Variants in TUSC3 observed in about 807,000 individuals in gnomAD.
The protein encoded by TUSC3 is tumor suppressor candidate 3, also known as dolichyl-diphosphooligosaccharide--protein glycosyltransferase subunit TUSC3.
TUSC3 carries 45 observed loss-of-function variants against 44.8 expected under a neutral mutation model. The ratio of observed to expected loss-of-function variants is 1.00; its 90% CI spans 0.79 to 1.29. The LOEUF (loss-of-function observed/expected upper bound fraction) is 1.29. TUSC3 is among the 50% of genes most tolerant of loss of function. The pLI is 0.00. For synonymous variants in TUSC3, 212 were observed against 152.9 expected, an observed-to-expected ratio of 1.39 and a Z score of -2.85; for missense variants, 519 against 437.9, an observed-to-expected ratio of 1.19 and a Z score of -1.65.
At chr8:15,528,525 T>A (rs1801406717) in intron 2 of TUSC3, among the ~76,000 whole-genome samples, 1 of 152,218 alleles carries the variant, frequency 6.6e-6, no homozygotes. Context: ...TGAAGTATTC[T>A]GCAGCAAACT....
In TUSC3 at chr8:15,710,933, C is replaced by T. The variant is rs572742358; in HGVS notation, c.799-19733C>T. Among the ~76,000 whole-genome samples, 386 of 150,388 alleles carry T rather than the reference C, an allele frequency of 2.6e-3. 1 individual carries two copies. Among genetic ancestry groups the T allele is most frequent in the African/African-American group, 8.9e-3 (366 of 41,204 alleles). ...ACCAAATCAAGAAGTGGAATTTTGC[C>T]TGCATTCCAGAATTTCACTTAACTT... On this transcript the variant is annotated intron_variant, in intron 6 of 10. Coordinates refer to ENST00000503731, the MANE Select transcript of TUSC3 (RefSeq NM_006765.4).
intron 1 of TUSC3, among the ~76,000 whole-genome samples, chr8:15,474,699 C>T (rs1563260714): frequency 1.3e-5 from 2 of 152,004 alleles, no homozygotes; most frequent in Non-Finnish European, 2.9e-5. Context: ...TTTGTTTTCT[C>T]TTAAAAAAAC....
intron 6 of TUSC3, among the ~76,000 whole-genome samples, chr8:15,682,311 AT>A (rs1808459563): frequency 6.6e-6 from 1 of 152,166 alleles, no homozygotes; most frequent in South Asian, 2.1e-4. Flanking sequence ...TAAGTCTAGA[AT>A]TTTTTTATGA....
chr8:15,546,781 C>G (rs753656243), intron 1 of TUSC3, among the ~76,000 whole-genome samples: 1 of 151,558 alleles, frequency 6.6e-6, no homozygotes, highest in Non-Finnish European at 1.5e-5. Flanking sequence ...GTGATCTGCC[C>G]GTCTCGGCCT....
At chr8:15,748,865 CTT>C in intron 9 of TUSC3, 2 of 398,460 alleles carry the variant, frequency 5.0e-6, no homozygotes, top group East Asian at 7.3e-5. Flanking sequence ...AAAATTTTAA[CTT>C]TTCAAAATAA....
At chr8:15,710,048 A>T (rs1018671422) in intron 6 of TUSC3, among the ~76,000 whole-genome samples, 6 of 151,618 alleles carry the variant, frequency 4.0e-5, no homozygotes, top group African/African-American at 1.2e-4. Context: ...CTCCTGGTGG[A>T]CTTATCTACA....
chr8:15,713,712 T>A lies in TUSC3; in HGVS notation c.799-16954T>A, dbSNP rs375393164. Among the ~76,000 whole-genome samples, 6 of 152,034 alleles carry A rather than the reference T, an allele frequency of 3.9e-5. No homozygotes were observed. The South Asian group carries it at 1.2e-3, about 32-fold the overall frequency. On this transcript the variant is annotated intron_variant, in intron 6 of 10. Coordinates refer to ENST00000503731, the MANE Select transcript of TUSC3 (RefSeq NM_006765.4). Reference sequence around the variant, plus strand: ...CATGTCTGTGTCTTGATCTTTTTTTTATAAAGATGCCAATTATATTGGATT... The same window carrying A: ...CATGTCTGTGTCTTGATCTTTTTTTAATAAAGATGCCAATTATATTGGATT...
At chr8:15,594,491 G>T (rs1385886648) in intron 1 of TUSC3, among the ~76,000 whole-genome samples, 2 of 152,084 alleles carry the variant, frequency 1.3e-5, no homozygotes, top group Non-Finnish European at 2.9e-5. Context: ...GGATAATTTT[G>T]TCTTCCTGTG....
intron 2 of TUSC3, among the ~76,000 whole-genome samples, chr8:15,637,029 A>G (rs572823519): frequency 6.6e-6 from 1 of 152,328 alleles, no homozygotes; most frequent in African/African-American, 2.4e-5. Flanking sequence ...TAATTCTGCT[A>G]TACTATGTCT....
the TUSC3 span, among the ~76,000 whole-genome samples, chr8:15,810,970 G>T: frequency 6.6e-6 from 1 of 152,092 alleles, no homozygotes; most frequent in East Asian, 1.9e-4. Context: ...ATGATCGTGT[G>T]GAGCTTATAG....
At chr8:15,826,034 A>G in the TUSC3 span, among the ~76,000 whole-genome samples, 1 of 152,014 alleles carries the variant, frequency 6.6e-6, no homozygotes, top group African/African-American at 2.4e-5. Context: ...AAGTGTTATC[A>G]GTATGTCATT....
chr8:15,583,879 G>C (rs1007618239), intron 1 of TUSC3, among the ~76,000 whole-genome samples: 7 of 152,298 alleles, frequency 4.6e-5, no homozygotes, highest in Non-Finnish European at 1.0e-4. Flanking sequence ...TTCTTAAAAT[G>C]AGGATGTAGT....
At chr8:15,719,495 TCACACACACACACACACACACCACA>T (rs1270284409) in intron 6 of TUSC3, among the ~76,000 whole-genome samples, 35 of 145,334 alleles carry the variant, frequency 2.4e-4, no homozygotes, top group African/African-American at 9.0e-4. Flanking sequence ...ATACAGTTCA[TCACACACACACACACACACACCACA>T]CACACACACA....
the TUSC3 span, among the ~76,000 whole-genome samples, chr8:15,810,650 G>C: frequency 1.4e-4 from 21 of 151,720 alleles, no homozygotes; most frequent in Non-Finnish European, 1.3e-4. Flanking sequence ...GGCCAAGGAG[G>C]GGGGGCGGGA....
At chr8:15,520,115 C>G (rs1358452842) in intron 2 of TUSC3, among the ~76,000 whole-genome samples, 1 of 152,114 alleles carries the variant, frequency 6.6e-6, no homozygotes, top group Non-Finnish European at 1.5e-5. Flanking sequence ...CTTTCCTGTT[C>G]TAATTCTTCT....
chr8:15,496,769 T>C (rs1308335413), intron 2 of TUSC3, among the ~76,000 whole-genome samples: 2 of 152,202 alleles, frequency 1.3e-5, no homozygotes, highest in African/African-American at 2.4e-5. Context: ...TTTAGCACGG[T>C]CATTACACTT....
intron 6 of TUSC3, among the ~76,000 whole-genome samples, chr8:15,704,548 C>G (rs1054039755): frequency 6.6e-6 from 1 of 152,054 alleles, no homozygotes; most frequent in Non-Finnish European, 1.5e-5. Flanking sequence ...TTTATTGGTT[C>G]TTTGTTCTCG....
At position 15,745,132 on chromosome 8, in the gene TUSC3, G is replaced by T. The variant is rs533178911; in HGVS notation, c.937+1520G>T. Reference sequence around the variant, plus strand: ...TAAAGGAGATGATTTTGTTCTTTTTGGCTGCATAGTATTCCATGGTGCATA... The same window carrying T: ...TAAAGGAGATGATTTTGTTCTTTTTTGCTGCATAGTATTCCATGGTGCATA... On this transcript the variant is annotated intron_variant, in intron 8 of 10. Transcript: ENST00000503731. Among the ~76,000 whole-genome samples the T allele has an allele frequency of 2.3e-3, 346 of 152,026 alleles. 1 individual carries two copies. Among genetic ancestry groups the T allele is most frequent in the Non-Finnish European group, 3.3e-3 (227 of 67,966 alleles).
intron 6 of TUSC3, among the ~76,000 whole-genome samples, chr8:15,688,600 A>G (rs1027258973): frequency 6.6e-6 from 1 of 152,200 alleles, no homozygotes; most frequent in South Asian, 2.1e-4. Flanking sequence ...ATACCCTAGT[A>G]TCTGTTGTTT....
Sources: gnomAD v4.1 joint callset for allele counts (sites outside exome capture counted in the v4.1 genomes callset) on GRCh38, gnomAD v4.1.1 for gene constraint, MANE v1.5 for transcripts, NCBI Gene and HGNC (gene_info 2026-07-23, HGNC 2026-07-21) for gene names.